PUDP: variants seen among roughly 807,000 people sequenced by gnomAD.
PUDP encodes pseudouridine 5'-phosphatase, also known as pseudouridine-5'-phosphatase.
PUDP carries 8 observed loss-of-function variants against 9.4 expected under a neutral mutation model. The observed-to-expected ratio is 0.85, with a 90% confidence interval of 0.50 to 1.53. The LOEUF (loss-of-function observed/expected upper bound fraction) is 1.53, where lower values mean the gene tolerates loss of function less well. PUDP is among the 40% of genes most tolerant of loss of function. The pLI, the probability that PUDP is intolerant of heterozygous loss-of-function variation, is 0.00. For synonymous variants in PUDP, 99 were observed against 80.7 expected, an observed-to-expected ratio of 1.23 and a Z score of -1.22; for missense variants, 188 against 189.7, an observed-to-expected ratio of 0.99 and a Z score of 0.05.
At chrX:6,880,453 A>G (rs1465964536) in intron 3 of PUDP, among the ~76,000 whole-genome samples, 5 of 112,075 alleles carry the variant, frequency 4.5e-5, no homozygotes, top group Non-Finnish European at 1.9e-5. Flanking sequence ...AATATTATCC[A>G]GCCCAGAATT....
intron 3 of PUDP, among the ~76,000 whole-genome samples, chrX:6,820,240 C>T (rs778839031): frequency 9.0e-6 from 1 of 110,765 alleles, no homozygotes; most frequent in African/African-American, 3.3e-5. Flanking sequence ...ATTCAATTAC[C>T]TCCCTATGGG....
intron 3 of PUDP, among the ~76,000 whole-genome samples, chrX:6,932,229 C>G (rs945329311): frequency 1.8e-5 from 2 of 111,144 alleles, no homozygotes; most frequent in African/African-American, 6.5e-5. Context: ...ATGGAGCAGA[C>G]AGAGGTGGGC....
intron 3 of PUDP, among the ~76,000 whole-genome samples, chrX:6,857,408 T>G (rs1300210360): frequency 2.7e-5 from 3 of 112,480 alleles, no homozygotes; most frequent in African/African-American, 9.7e-5. Context: ...ACCTGTTAAA[T>G]ATGTTTCAAA....
At chrX:6,860,788 A>G (rs1193989056) in intron 3 of PUDP, among the ~76,000 whole-genome samples, 1 of 112,129 alleles carries the variant, frequency 8.9e-6, no homozygotes, top group Non-Finnish European at 1.9e-5. Context: ...TGTTCTTAAC[A>G]CTCTCATGTT....
chrX:6,976,841 T>A (rs5979617), intron 3 of PUDP, among the ~76,000 whole-genome samples: 2 of 110,908 alleles, frequency 1.8e-5, no homozygotes, highest in East Asian at 2.9e-4. Context: ...AAGCTTCTGC[T>A]GTACTGTTCT....
intron 3 of PUDP, among the ~76,000 whole-genome samples, chrX:6,843,288 G>A (rs1267967707): frequency 9.0e-6 from 1 of 111,450 alleles, no homozygotes; most frequent in African/African-American, 3.3e-5. Flanking sequence ...TGCGTCTCCT[G>A]AGCCCTTGAA....
intron 3 of PUDP, among the ~76,000 whole-genome samples, chrX:6,768,910 T>C (rs1023061163): frequency 3.6e-5 from 4 of 111,921 alleles, no homozygotes; most frequent in Non-Finnish European, 7.5e-5. Context: ...TGGTGGTGTT[T>C]ACTCAAGCCC....
chrX:6,753,617 G>A (rs1243222915), intron 3 of PUDP, among the ~76,000 whole-genome samples: 2 of 111,758 alleles, frequency 1.8e-5, no homozygotes, highest in Admixed American at 9.5e-5. Flanking sequence ...CCTTTTCACT[G>A]CATCCACGCC....
At chrX:7,100,855 C>T (rs1364779339) in intron 2 of PUDP, among the ~76,000 whole-genome samples, 2 of 112,149 alleles carry the variant, frequency 1.8e-5, no homozygotes, top group Non-Finnish European at 3.8e-5. Flanking sequence ...TTAGGCACGG[C>T]CTGTCTTTCT....
At chrX:6,965,104 T>C (rs1200331012) in intron 3 of PUDP, among the ~76,000 whole-genome samples, 1 of 112,191 alleles carries the variant, frequency 8.9e-6, no homozygotes, top group Non-Finnish European at 1.9e-5. Context: ...TTGGGGTCAC[T>C]GAAGTGTCAT....
At chrX:6,913,176 ACT>A (rs1927874261) in intron 3 of PUDP, among the ~76,000 whole-genome samples, 1 of 111,868 alleles carries the variant, frequency 8.9e-6, no homozygotes, top group African/African-American at 3.2e-5. Context: ...AAATGGAATT[ACT>A]GAGTCAAAGA....
At chrX:6,971,561 C>T (rs897427369) in intron 3 of PUDP, among the ~76,000 whole-genome samples, 19 of 103,030 alleles carry the variant, frequency 1.8e-4, no homozygotes, top group African/African-American at 3.5e-4. Flanking sequence ...GGACTACAGG[C>T]GCCCACCACC....
At chrX:6,900,577 C>T (rs913055367) in intron 3 of PUDP, among the ~76,000 whole-genome samples, 5 of 103,445 alleles carry the variant, frequency 4.8e-5, no homozygotes, top group South Asian at 4.4e-4. Flanking sequence ...GAGAGGGAGA[C>T]GGAGAGGGAG....
intron 3 of PUDP, among the ~76,000 whole-genome samples, chrX:6,752,542 T>C (rs1302680972): frequency 1.8e-5 from 2 of 111,830 alleles, no homozygotes; most frequent in Non-Finnish European, 3.8e-5. Context: ...ATAAAGCAAT[T>C]TGAAGAATAT....
intron 3 of PUDP, among the ~76,000 whole-genome samples, chrX:6,867,139 G>C (rs1294976911): frequency 9.0e-6 from 1 of 111,471 alleles, no homozygotes; most frequent in African/African-American, 3.3e-5. Flanking sequence ...TTTTCCAATT[G>C]CTGAGAGCCC....
intron 3 of PUDP, among the ~76,000 whole-genome samples, chrX:6,872,215 T>C (rs2050418563): frequency 9.0e-6 from 1 of 111,369 alleles, no homozygotes; most frequent in Non-Finnish European, 1.9e-5. Context: ...GCAGAGTTGG[T>C]TCCTTCTAAG....
chrX:6,765,988 C>G (rs1331817188), intron 3 of PUDP, among the ~76,000 whole-genome samples: 1 of 111,267 alleles, frequency 9.0e-6, no homozygotes, highest in Non-Finnish European at 1.9e-5. Flanking sequence ...TTGAAAGCAG[C>G]CACAGAAAGC....
intron 2 of PUDP, among the ~76,000 whole-genome samples, chrX:7,082,675 T>G (rs756190191): frequency 3.2e-4 from 36 of 112,433 alleles, no homozygotes; most frequent in Admixed American, 2.5e-3. Context: ...ACGCTGATGC[T>G]ATCCCAGGAC....
In PUDP at chrX:6,818,973, T is replaced by C. The variant is rs894876298; in HGVS notation, c.*248-112507A>G. On this transcript the variant is annotated intron_variant and NMD_transcript_variant, in intron 3 of 3. Coordinates refer to the PUDP transcript ENST00000655425. ...TTGAAGAAACAAAGAACAAACGGTA[T>C]ATAAAAGTTGTTCATTCTCTTCCTT... 2.7e-5 allele frequency among the ~76,000 whole-genome samples: 3 copies of C among 111,997 alleles called. No individual in the cohort carries two copies. In the East Asian group the frequency reaches 8.4e-4, roughly 31 times the overall value.
Sources: gnomAD v4.1 joint callset for allele counts (sites outside exome capture counted in the v4.1 genomes callset) on GRCh38, gnomAD v4.1.1 for gene constraint, MANE v1.5 for transcripts, NCBI Gene and HGNC (gene_info 2026-07-23, HGNC 2026-07-21) for gene names.